SPHKAP: variants seen among roughly 807,000 people sequenced by gnomAD.
The protein encoded by SPHKAP is A-kinase anchor protein SPHKAP.
In SPHKAP, 67 loss-of-function variants were observed where a neutral mutation model predicts 137.5. That is an observed-to-expected ratio of 0.49 (90% CI 0.40 to 0.60). SPHKAP has a LOEUF of 0.60. Ranked by LOEUF, SPHKAP falls within the 20% of genes least tolerant of loss-of-function variation. SPHKAP has a pLI of 0.00. For synonymous variants in SPHKAP, 813 were observed against 785.3 expected, an observed-to-expected ratio of 1.04 and a Z score of -0.59; for missense variants, 2,097 against 2,069.3, an observed-to-expected ratio of 1.01 and a Z score of -0.26.
At chr2:228,029,698 T>G (rs985217974) in intron 3 of SPHKAP, among the ~76,000 whole-genome samples, 1 of 152,204 alleles carries the variant, frequency 6.6e-6, no homozygotes, top group Non-Finnish European at 1.5e-5. Flanking sequence ...CAGTTCATGA[T>G]CTAGGGAAGT....
chr2:228,055,324 A>G (rs1696399880), intron 3 of SPHKAP, among the ~76,000 whole-genome samples: 1 of 152,152 alleles, frequency 6.6e-6, no homozygotes, highest in Admixed American at 6.6e-5. Flanking sequence ...GTAACAGATA[A>G]TGAGCATATT....
At chr2:228,145,191 C>G (rs900440554) in intron 1 of SPHKAP, among the ~76,000 whole-genome samples, 3 of 152,146 alleles carry the variant, frequency 2.0e-5, no homozygotes, top group African/African-American at 7.2e-5. Flanking sequence ...AAAACAACAA[C>G]ATCATCACAC....
intron 7 of SPHKAP, among the ~76,000 whole-genome samples, chr2:228,003,200 C>T (rs1693980269): frequency 6.6e-6 from 1 of 152,186 alleles, no homozygotes; most frequent in African/African-American, 2.4e-5. Context: ...TACCTATGAG[C>T]ATGGAATGTT....
chr2:228,060,794 G>A (rs957287677), intron 3 of SPHKAP, among the ~76,000 whole-genome samples: 15 of 152,184 alleles, frequency 9.9e-5, no homozygotes, highest in African/African-American at 3.6e-4. Context: ...GAGCTTGGAA[G>A]AGGCATTCCC....
At chr2:228,008,457 A>G (rs927838555) in intron 7 of SPHKAP, among the ~76,000 whole-genome samples, 1 of 151,910 alleles carries the variant, frequency 6.6e-6, no homozygotes, top group African/African-American at 2.4e-5. Context: ...ATCACACCCA[A>G]CTAATTTTTG....
intron 1 of SPHKAP, among the ~76,000 whole-genome samples, chr2:228,149,966 A>G (rs955452123): frequency 6.6e-6 from 1 of 152,148 alleles, no homozygotes; most frequent in Admixed American, 6.5e-5. Context: ...ACCTTCAGGA[A>G]ATGTTGAATA....
At chr2:228,142,739 G>C (rs759875348) in intron 1 of SPHKAP, among the ~76,000 whole-genome samples, 8 of 152,100 alleles carry the variant, frequency 5.3e-5, no homozygotes, top group Non-Finnish European at 1.0e-4. Flanking sequence ...AGGAAAAATA[G>C]CTACTGAGTA....
chr2:228,146,278 A>C (rs1699774342), intron 1 of SPHKAP, among the ~76,000 whole-genome samples: 1 of 152,056 alleles, frequency 6.6e-6, no homozygotes, highest in South Asian at 2.1e-4. Context: ...CAACACCCAC[A>C]GTTCACATTA....
At chr2:228,054,820 C>T (rs887324546) in intron 3 of SPHKAP, among the ~76,000 whole-genome samples, 1 of 151,708 alleles carries the variant, frequency 6.6e-6, no homozygotes, top group South Asian at 2.1e-4. Context: ...AGTATACTGA[C>T]GTCTTACCTA....
At chr2:228,109,956 C>CA (rs11440513) in intron 2 of SPHKAP, among the ~76,000 whole-genome samples, 16,747 of 56,252 alleles carry the variant, frequency 0.3, 3,191 homozygotes, top group African/African-American at 0.4. Flanking sequence ...GAAAATGTCT[C>CA]AAAAAAAAAA....
intron 1 of SPHKAP, among the ~76,000 whole-genome samples, chr2:228,154,513 T>TCTCTCTC (rs67091433): frequency 1.2e-4 from 2 of 16,822 alleles, no homozygotes; most frequent in African/African-American, 3.1e-4. Context: ...TCTCTCTCTC[T>TCTCTCTC]ATATATATAT....
At position 228,150,663 on chromosome 2, in the gene SPHKAP, C is replaced by T. The variant is rs1306610508; in HGVS notation, c.33-18578G>A. Among the ~76,000 whole-genome samples the T allele has an allele frequency of 2.0e-5, 3 of 150,686 alleles. No individual in the cohort carries two copies. In the South Asian group the frequency reaches 6.3e-4, roughly 32 times the overall value. On this transcript the variant is annotated intron_variant, in intron 1 of 11. Transcript: ENST00000392056. ...TTATCATTGTTTTATGGGCTTCTAC[C>T]CCTCTTTTAAAATTAAGGATACCAG...
intron 4 of SPHKAP, among the ~76,000 whole-genome samples, chr2:228,026,463 C>A (rs1174067189): frequency 6.6e-6 from 1 of 152,142 alleles, no homozygotes; most frequent in Non-Finnish European, 1.5e-5. Flanking sequence ...TATACACAAG[C>A]AGCCTCAGGA....
intron 1 of SPHKAP, among the ~76,000 whole-genome samples, chr2:228,167,046 C>T (rs941363204): frequency 1.3e-5 from 2 of 152,080 alleles, no homozygotes; most frequent in Non-Finnish European, 2.9e-5. Flanking sequence ...TGGTGCTAAA[C>T]CATTCATGAA....
rs72617141 is a variant in SPHKAP at position 228,155,623 on chromosome 2, C to A, written c.33-23538G>T. ...TTTCCTCATTATTAGGACAATATAG[C>A]CATTGGCATAGCAGGTTTATGCTGT... On this transcript the variant is annotated intron_variant, in intron 1 of 11. Coordinates refer to ENST00000392056, the MANE Select transcript of SPHKAP (RefSeq NM_001142644.2). Among the ~76,000 whole-genome samples, 3 of 151,954 alleles carry A rather than the reference C, an allele frequency of 2.0e-5. No homozygotes were observed. The East Asian group carries it at 5.8e-4, about 30-fold the overall frequency.
chr2:228,012,373 A>T (rs918054452), intron 7 of SPHKAP, among the ~76,000 whole-genome samples: 1 of 152,014 alleles, frequency 6.6e-6, no homozygotes, highest in African/African-American at 2.4e-5. Context: ...CATAGTGGGA[A>T]CATTTTTCGG....
chr2:228,012,726 A>C (rs1376947778), intron 7 of SPHKAP, among the ~76,000 whole-genome samples: 1 of 151,976 alleles, frequency 6.6e-6, no homozygotes, highest in African/African-American at 2.4e-5. Context: ...TGGATGAATA[A>C]TTTTTTTTCT....
intron 3 of SPHKAP, among the ~76,000 whole-genome samples, chr2:228,041,622 G>A (rs542796872): frequency 6.9e-6 from 1 of 145,218 alleles, no homozygotes; most frequent in East Asian, 2.0e-4. Context: ...TCTCCAGCCT[G>A]GGTGACAGAG....
intron 3 of SPHKAP, among the ~76,000 whole-genome samples, chr2:228,102,760 T>G (rs1481395226): frequency 6.6e-6 from 1 of 152,148 alleles, no homozygotes; most frequent in Admixed American, 6.5e-5. Flanking sequence ...TTGTTTGTTT[T>G]GAAACAGGGT....
Sources: allele counts gnomAD v4.1 joint callset (sites outside exome capture counted in the v4.1 genomes callset), GRCh38; gene constraint gnomAD v4.1.1; transcripts MANE v1.5; gene names NCBI Gene and HGNC (gene_info 2026-07-23, HGNC 2026-07-21).